Variants in RGS4 observed in about 807,000 individuals in gnomAD.
RGS4 encodes the protein schizophrenia disorder 9.
A neutral mutation model predicts 21.6 loss-of-function variants in RGS4; 15 were observed. The ratio of observed to expected loss-of-function variants is 0.69; its 90% CI spans 0.46 to 1.07. RGS4 has a LOEUF of 1.07. RGS4 is among the 50% of genes least tolerant of loss of function. The pLI, the probability that RGS4 is intolerant of heterozygous loss-of-function variation, is 0.00. For missense variants in RGS4, 237 were observed against 239.0 expected, an observed-to-expected ratio of 0.99 and a Z score of 0.06; for synonymous variants, 94 against 85.5, an observed-to-expected ratio of 1.10 and a Z score of -0.55.
At chr1:163,073,316 G>A in intron 3 of RGS4, 140 bp from the exon 4 acceptor site, 1 of 641,948 alleles carries the variant, frequency 1.6e-6, no homozygotes, top group East Asian at 2.9e-5. Flanking sequence ...CTGACTCCAG[G>A]TGACTTGAAA....
intron 1 of RGS4, chr1:163,072,193 T>C (rs1655340324): frequency 9.6e-7 from 1 of 1,042,902 alleles, no homozygotes; most frequent in Non-Finnish European, 1.3e-6. Context: ...AATGGTGTTA[T>C]GACTGCCTCA....
intron 1 of RGS4, among the ~76,000 whole-genome samples, chr1:163,071,659 C>A (rs556143061): frequency 6.6e-6 from 1 of 151,992 alleles, no homozygotes; most frequent in African/African-American, 2.4e-5. Context: ...CTCAAATGCC[C>A]TTTAGAGTGT....
At chr1:163,073,793 A>G (rs1655407642) in intron 4 of RGS4, 171 bp downstream of exon 4, 1 of 536,540 alleles carries the variant, frequency 1.9e-6, no homozygotes, top group South Asian at 2.9e-5. Flanking sequence ...TCTTCTAGCT[A>G]TCTTAAAATA....
intron 1 of RGS4, among the ~76,000 whole-genome samples, chr1:163,071,102 C>T (rs564633820): frequency 1.1e-4 from 17 of 152,200 alleles, no homozygotes; most frequent in South Asian, 8.3e-4. Flanking sequence ...AATATGAATT[C>T]GTTTCTATTT....
rs368964432 is a variant in RGS4 at position 163,074,481 on chromosome 1, C to G, written c.539C>G (p.Pro180Arg). Residue 180 changes from proline to arginine, a missense_variant, in exon 5 of 5, where the codon CCG (proline) becomes CGG (arginine). Physicochemically the swap from Pro to Arg is moderately radical, Grantham distance 103 (BLOSUM62 -2). Coordinates refer to ENST00000367909, the MANE Select transcript of RGS4 (RefSeq NM_005613.6). ...CGATTCTATCTTGATTTGGTCAACC[C>G]GTCCAGCTGTGGGGCAGAAAAGCAG... Reference protein sequence around the residue: ...KSRFYLDLVNPSSCGAEKQKG... With the variant: ...KSRFYLDLVNRSSCGAEKQKG... The G allele has an allele frequency of 6.2e-6, 10 of 1,613,780 alleles. No individual in the cohort carries two copies. The Admixed American group carries it at 1.2e-4, about 19-fold the overall frequency.
intron 1 of RGS4, among the ~76,000 whole-genome samples, chr1:163,071,116 C>G (rs1478201191): frequency 1.3e-5 from 2 of 152,248 alleles, no homozygotes; most frequent in East Asian, 3.9e-4. Context: ...TCTATTTGGA[C>G]TTCATGATAT....
In RGS4 at chr1:163,073,558, C is replaced by G; in HGVS notation, c.314C>G (p.Ser105Cys). Residue 105 changes from serine to cysteine, a missense_variant, in exon 4 of 5, where the codon TCT (serine) becomes TGT (cysteine). Ser to Cys is a moderately radical substitution (Grantham distance 112). Coordinates refer to ENST00000367909, the MANE Select transcript of RGS4 (RefSeq NM_005613.6). ...GAGTACAAGAAAATCAAATCACCAT[C>G]TAAACTAAGTCCCAAGGCCAAAAAG... is the stretch of plus-strand genomic sequence containing the variant. ...CEEYKKIKSP[S>C]KLSPKAKKIY... 1 of 1,612,266 alleles carries G rather than the reference C, an allele frequency of 6.2e-7. No homozygotes were observed. Among genetic ancestry groups the G allele is most frequent in the Non-Finnish European group, 8.5e-7 (1 of 1,179,248 alleles).
At position 163,072,337 on chromosome 1, in the gene RGS4, G is replaced by T; in HGVS notation, c.45-58G>T. On this transcript the variant is annotated intron_variant, in intron 1 of 4. Transcript: ENST00000367909. The stretch of plus-strand genomic sequence containing the variant: ...TGGACTCTTCAAGCTCTACCATTAG[G>T]TATCTTTTAAAGAAAGCTGGTTATT... 5 of 1,297,402 alleles carry T rather than the reference G, an allele frequency of 3.9e-6. No homozygotes were observed. In the South Asian group the frequency reaches 5.0e-5, roughly 13 times the overall value. The allele number at this position is 1,297,402 out of a possible 1,614,324, so 80.4% of individuals were successfully genotyped here.
Position 163,069,371 on chromosome 1 carries a change from G to C in RGS4, c.-114G>C. The C allele has an allele frequency of 6.4e-7, 1 of 1,570,152 alleles. No individual in the cohort carries two copies. The highest frequency in any genetic ancestry group is 1.4e-5 in the African/African-American group (1 of 73,938). On this transcript the variant is annotated 5_prime_UTR_variant, in exon 1 of 5. Coordinates refer to ENST00000367909, the MANE Select transcript of RGS4 (RefSeq NM_005613.6). ...TACAGGCTTAGCAGGAAGACGCTCA[G>C]AGGATTCTGACAATATCTTTACCGG...
rs776310977 is a variant in RGS4 at position 163,072,765 on chromosome 1, A to G, written c.150-40A>G. Reference sequence around the variant, plus strand: ...GATTTCTTGCCCCAATTTTTTTACCATGGCATTCCAATTATTCTGTTTCTC... The same window carrying G: ...GATTTCTTGCCCCAATTTTTTTACCGTGGCATTCCAATTATTCTGTTTCTC... On this transcript the variant is annotated intron_variant, in intron 2 of 4. Coordinates refer to ENST00000367909, the MANE Select transcript of RGS4 (RefSeq NM_005613.6). 12 of 1,557,834 alleles carry G rather than the reference A, an allele frequency of 7.7e-6. No homozygotes were observed. The East Asian group carries it at 9.0e-5, about 12-fold the overall frequency.
At position 163,069,384 on chromosome 1, in the gene RGS4, A is replaced by C. The variant is rs769737268; in HGVS notation, c.-101A>C. The stretch of plus-strand genomic sequence containing the variant: ...GGAAGACGCTCAGAGGATTCTGACA[A>C]TATCTTTACCGGAGAAGAGGCAAAG... On this transcript the variant is annotated 5_prime_UTR_variant, in exon 1 of 5. Coordinates refer to ENST00000367909, the MANE Select transcript of RGS4 (RefSeq NM_005613.6). 6.3e-6 allele frequency: 10 copies of C among 1,585,192 alleles called. No individual in the cohort carries two copies. The East Asian group carries it at 2.1e-4, about 33-fold the overall frequency.
chr1:163,073,728 T>C (rs61812781), intron 4 of RGS4, 106 bp downstream of exon 4: 16,302 of 663,340 alleles, frequency 0.025, 246 homozygotes, highest in Non-Finnish European at 0.033. Flanking sequence ...GCAATTGCTA[T>C]ATACATATCT....
chr1:163,076,219 C>T lies in RGS4; in HGVS notation c.*1659C>T, dbSNP rs536456225. The T allele has an allele frequency of 1.2e-4, 18 of 152,710 alleles. No homozygotes were observed. In the South Asian group the frequency reaches 2.1e-3, roughly 18 times the overall value. The allele number at this position is 152,710 out of a possible 1,614,324, so 9.5% of individuals were successfully genotyped here. A position where few individuals can be genotyped will look rare whatever the true frequency, so the allele number is the denominator to read the frequency against. ...CACACGCGTCCACATACACTGCATT[C>T]GTTGCTCCAGTATAAATTACATGCA... On this transcript the variant is annotated 3_prime_UTR_variant, in exon 5 of 5. Coordinates refer to ENST00000367909, the MANE Select transcript of RGS4 (RefSeq NM_005613.6).
rs754264498 is a variant in RGS4, at chr1:163,074,663, G to A, written c.*103G>A. On this transcript the variant is annotated 3_prime_UTR_variant, in exon 5 of 5. Transcript: ENST00000367909. Reference sequence around the variant, plus strand: ...TAAGCTCCAGTGCTTTATCCACATTGTAGCCTAATATTCATGCTGCCTGCC... The same window carrying A: ...TAAGCTCCAGTGCTTTATCCACATTATAGCCTAATATTCATGCTGCCTGCC... The A allele has an allele frequency of 4.0e-6, 6 of 1,514,308 alleles. No homozygotes were observed. The African/African-American group carries it at 8.2e-5, about 21-fold the overall frequency. The allele number at this position is 1,514,308 out of a possible 1,614,324, so 93.8% of individuals were successfully genotyped here.
chr1:163,072,270 A>C, intron 1 of RGS4, 125 bp from the exon 2 acceptor site: 51 of 879,876 alleles, frequency 5.8e-5, no homozygotes, highest in East Asian at 8.3e-5. Context: ...TGCCAACTCC[A>C]ACTCCCGTTC....
At chr1:163,071,940 G>A (rs772529171) in intron 1 of RGS4, 75 of 972,582 alleles carry the variant, frequency 7.7e-5, no homozygotes, top group Non-Finnish European at 8.2e-5. Flanking sequence ...CCCTCTGCCA[G>A]CAGGGGAACA....
chr1:163,072,245 T>C, intron 1 of RGS4, 150 bp from the exon 2 acceptor site: 1 of 859,554 alleles, frequency 1.2e-6, no homozygotes, highest in Non-Finnish European at 1.7e-6. Flanking sequence ...GGAATCTTGT[T>C]TTCCTCAGAG....
rs1655397313 is a variant in RGS4, at chr1:163,073,615, C to T, written c.371C>T (p.Thr124Ile). The stretch of plus-strand genomic sequence containing the variant: ...AATGAATTCATCTCAGTCCAGGCAA[C>T]CAAAGAGGTAGGTTTTTTATGGATA... ...IYNEFISVQA[T>I]KEVNLDSCTR... Residue 124 changes from threonine (T) to isoleucine (I), a missense_variant, in exon 4 of 5, where the codon ACC (threonine) becomes ATC (isoleucine). Thr to Ile is a moderately conservative substitution (Grantham distance 89). Coordinates refer to ENST00000367909, the MANE Select transcript of RGS4 (RefSeq NM_005613.6). 1 of 1,586,586 alleles carries T rather than the reference C, an allele frequency of 6.3e-7. No individual in the cohort carries two copies. Among genetic ancestry groups the T allele is most frequent in the Non-Finnish European group, 8.5e-7 (1 of 1,172,234 alleles).
Position 163,069,423 on chromosome 1 carries a change from G to A in RGS4, c.-62G>A. 2.5e-6 allele frequency: 4 copies of A among 1,611,204 alleles called. No homozygotes were observed. Among genetic ancestry groups the A allele is most frequent in the South Asian group, 1.1e-5 (1 of 90,562 alleles). ...GAAGAGGCAAAGTACGCTCAAAGCC[G>A]AAGCCACAGCTCCTCCTGCCGCATT... On this transcript the variant is annotated 5_prime_UTR_variant, in exon 1 of 5. Transcript: ENST00000367909.
Sources: allele counts gnomAD v4.1 joint callset (sites outside exome capture counted in the v4.1 genomes callset), GRCh38; gene constraint gnomAD v4.1.1; transcripts MANE v1.5; gene names NCBI Gene and HGNC (gene_info 2026-07-23, HGNC 2026-07-21).